Variants in NR3C2 observed in about 807,000 individuals in gnomAD.
The protein encoded by NR3C2 is mineralocorticoid receptor.
In NR3C2, 15 loss-of-function variants were observed where a neutral mutation model predicts 86.4. The ratio of observed to expected loss-of-function variants is 0.17; its 90% CI spans 0.12 to 0.27. NR3C2 has a LOEUF of 0.27. Ranked by LOEUF, NR3C2 falls within the 10% of genes least tolerant of loss-of-function variation. NR3C2 has a pLI of 1.00. For synonymous variants in NR3C2, 458 were observed against 450.5 expected (o/e 1.02, Z -0.21); for missense variants, 960 against 1,195.6 (o/e 0.80, Z 2.91).
chr4:148,393,586 C>G (rs1226494600), intron 2 of NR3C2, among the ~76,000 whole-genome samples: 3 of 152,112 alleles, frequency 2.0e-5, no homozygotes, highest in Non-Finnish European at 4.4e-5. Flanking sequence ...AAGGTGGCAG[C>G]CTACTTAGCT....
intron 2 of NR3C2, among the ~76,000 whole-genome samples, chr4:148,412,947 T>A (rs1371537184): frequency 6.6e-6 from 1 of 152,210 alleles, no homozygotes; most frequent in Non-Finnish European, 1.5e-5. Context: ...CTTGAGCTTT[T>A]CCAGTCTGTG....
At chr4:148,248,749 C>T (rs1300972331) in intron 3 of NR3C2, among the ~76,000 whole-genome samples, 4 of 152,070 alleles carry the variant, frequency 2.6e-5, no homozygotes, top group Non-Finnish European at 4.4e-5. Flanking sequence ...TACTTTTTCC[C>T]CTTCAAATCA....
intron 6 of NR3C2, 142 bp from the exon 7 acceptor site, chr4:148,120,430 C>G: frequency 1.0e-6 from 1 of 965,186 alleles, no homozygotes; most frequent in Admixed American, 1.9e-5. Flanking sequence ...ATTTTAAAGA[C>G]AAGTTAGATG....
At chr4:148,291,200 C>T (rs1268868151) in intron 2 of NR3C2, among the ~76,000 whole-genome samples, 1 of 152,070 alleles carries the variant, frequency 6.6e-6, no homozygotes, top group Non-Finnish European at 1.5e-5. Context: ...TCATTTCCCT[C>T]CTCCTAATTA....
At chr4:148,138,827 C>G (rs1474426841) in intron 6 of NR3C2, among the ~76,000 whole-genome samples, 2 of 152,224 alleles carry the variant, frequency 1.3e-5, no homozygotes, top group East Asian at 3.9e-4. Flanking sequence ...TAACCGGTGA[C>G]TAGGTCATGC....
At chr4:148,417,136 C>A (rs765582040) in intron 2 of NR3C2, among the ~76,000 whole-genome samples, 1 of 152,088 alleles carries the variant, frequency 6.6e-6, no homozygotes, top group African/African-American at 2.4e-5. Context: ...TCCCTCCTCT[C>A]TTGGAAGTCT....
chr4:148,252,878 A>G (rs1357780764), intron 3 of NR3C2, among the ~76,000 whole-genome samples: 1 of 151,988 alleles, frequency 6.6e-6, no homozygotes, highest in Non-Finnish European at 1.5e-5. Flanking sequence ...ACCTTGGATT[A>G]TTTTCTGGAA....
intron 4 of NR3C2, among the ~76,000 whole-genome samples, chr4:148,168,572 C>A (rs1048205576): frequency 2.0e-5 from 3 of 152,164 alleles, no homozygotes; most frequent in Non-Finnish European, 4.4e-5. Context: ...TGTGTGAAAA[C>A]ACATTTGCTT....
chr4:148,310,632 C>T (rs142086886), intron 2 of NR3C2, among the ~76,000 whole-genome samples: 57 of 152,292 alleles, frequency 3.7e-4, no homozygotes, highest in African/African-American at 1.3e-3. Context: ...TAACTAATGT[C>T]GACTCTTCGC....
intron 2 of NR3C2, 43 bp downstream of exon 2, chr4:148,435,061 T>G: frequency 6.3e-7 from 1 of 1,579,002 alleles, no homozygotes; most frequent in Non-Finnish European, 8.7e-7. Flanking sequence ...CTTCAACATG[T>G]ATAAAGCCAT....
chr4:148,426,175 C>G (rs1363286018), intron 2 of NR3C2, among the ~76,000 whole-genome samples: 1 of 152,148 alleles, frequency 6.6e-6, no homozygotes, highest in African/African-American at 2.4e-5. Context: ...AATATACTCC[C>G]AAGAGTAAGC....
chr4:148,304,658 G>A (rs1445156286), intron 2 of NR3C2, among the ~76,000 whole-genome samples: 1 of 152,108 alleles, frequency 6.6e-6, no homozygotes, highest in African/African-American at 2.4e-5. Flanking sequence ...TCTAATGGCA[G>A]TTAGATGTAC....
intron 2 of NR3C2, among the ~76,000 whole-genome samples, chr4:148,368,886 C>A (rs1224480048): frequency 6.6e-6 from 1 of 152,226 alleles, no homozygotes; most frequent in Non-Finnish European, 1.5e-5. Context: ...AGAGACAGAA[C>A]TTGTTGACAC....
At chr4:148,298,370 T>C (rs1006072672) in intron 2 of NR3C2, among the ~76,000 whole-genome samples, 1 of 152,180 alleles carries the variant, frequency 6.6e-6, no homozygotes, top group Non-Finnish European at 1.5e-5. Flanking sequence ...TGAACAGTGA[T>C]GGCTGCCGGA....
At chr4:148,243,991 T>C (rs1418611440) in intron 3 of NR3C2, among the ~76,000 whole-genome samples, 2 of 152,134 alleles carry the variant, frequency 1.3e-5, no homozygotes, top group African/African-American at 4.8e-5. Flanking sequence ...CAGACAATGG[T>C]TTAAGTAAGA....
intron 2 of NR3C2, among the ~76,000 whole-genome samples, chr4:148,403,098 AT>A (rs1748249591): frequency 6.6e-6 from 1 of 152,096 alleles, no homozygotes; most frequent in African/African-American, 2.4e-5. Flanking sequence ...ACTTAAAATA[AT>A]TGTTTAAATT....
intron 5 of NR3C2, among the ~76,000 whole-genome samples, chr4:148,154,002 T>A (rs1018648008): frequency 1.3e-4 from 20 of 150,908 alleles, no homozygotes; most frequent in South Asian, 1.0e-3. Flanking sequence ...TCATTTTTTT[T>A]ATTTTTAATT....
chr4:148,125,207 T>C (rs2149737716), intron 6 of NR3C2, among the ~76,000 whole-genome samples: 1 of 152,386 alleles, frequency 6.6e-6, no homozygotes, highest in Non-Finnish European at 1.5e-5. Context: ...TAAACACTTT[T>C]TGCAAGACTC....
chr4:148,155,682 T>C (rs7442442), intron 4 of NR3C2, among the ~76,000 whole-genome samples: 47,324 of 145,552 alleles, frequency 0.33, 8,636 homozygotes, highest in East Asian at 0.49. Flanking sequence ...AATGGCCATA[T>C]TGCCCAAGGT....
Sources: allele counts gnomAD v4.1 joint callset (sites outside exome capture counted in the v4.1 genomes callset), GRCh38; gene constraint gnomAD v4.1.1; transcripts MANE v1.5; gene names NCBI Gene and HGNC (gene_info 2026-07-23, HGNC 2026-07-21).